Variants in CDH13 observed in about 807,000 individuals in gnomAD.
CDH13 encodes the protein cadherin-13.
A neutral mutation model predicts 63.8 loss-of-function variants in CDH13; 24 were observed. That is an observed-to-expected ratio of 0.38 (90% CI 0.27 to 0.53). The LOEUF (loss-of-function observed/expected upper bound fraction) is 0.53, where lower values mean the gene tolerates loss of function less well. CDH13 is among the 20% of genes least tolerant of loss of function. The pLI is 0.85. For missense variants in CDH13, 1,049 were observed against 903.1 expected, an observed-to-expected ratio of 1.16 and a Z score of -2.07; for synonymous variants, 503 against 355.3, an observed-to-expected ratio of 1.42 and a Z score of -4.67.
At chr16:83,543,075 C>G (rs1435096923) in intron 7 of CDH13, among the ~76,000 whole-genome samples, 1 of 152,252 alleles carries the variant, frequency 6.6e-6, no homozygotes, top group Non-Finnish European at 1.5e-5. Flanking sequence ...TCCTTTCTTT[C>G]AGTACATCCT....
intron 6 of CDH13, among the ~76,000 whole-genome samples, chr16:83,456,536 A>G (rs914944984): frequency 6.6e-6 from 1 of 152,180 alleles, no homozygotes; most frequent in Admixed American, 6.5e-5. Flanking sequence ...AGGCAACTGC[A>G]AGGAAGAGCA....
chr16:83,440,481 A>G lies in CDH13; in HGVS notation c.782-45996A>G, dbSNP rs933464115. ...GGTCTCTGCAAACGTGGCAGGTCAC[A>G]GAAGATGGACAGCAAGGGCCAGGCA... On this transcript the variant is annotated intron_variant, in intron 6 of 13. Coordinates refer to ENST00000567109, the MANE Select transcript of CDH13 (RefSeq NM_001257.5). Among the ~76,000 whole-genome samples the G allele has an allele frequency of 4.6e-5, 7 of 152,240 alleles. No homozygotes were observed. In the East Asian group the frequency reaches 1.4e-3, roughly 29 times the overall value.
intron 6 of CDH13, among the ~76,000 whole-genome samples, chr16:83,408,239 T>A (rs996246305): frequency 6.6e-6 from 1 of 152,220 alleles, no homozygotes; most frequent in African/African-American, 2.4e-5. Flanking sequence ...TTCTGCATGT[T>A]CCATTGACAA....
At chr16:83,450,435 G>C (rs1169563110) in intron 6 of CDH13, among the ~76,000 whole-genome samples, 1 of 152,128 alleles carries the variant, frequency 6.6e-6, no homozygotes, top group African/African-American at 2.4e-5. Context: ...TACCTGATGA[G>C]CTCCTCATGA....
intron 1 of CDH13, among the ~76,000 whole-genome samples, chr16:82,832,728 T>C (rs2038601944): frequency 6.6e-6 from 1 of 152,150 alleles, no homozygotes; most frequent in African/African-American, 2.4e-5. Flanking sequence ...AGCTTTTGCA[T>C]CTGGATCAGT....
chr16:82,826,639 C>A (rs1005535245), intron 1 of CDH13: 1 of 152,108 alleles, frequency 6.6e-6, no homozygotes, highest in East Asian at 1.9e-4. Context: ...GGGGAAAAGG[C>A]GAAGGGCTCC....
At chr16:82,966,912 C>T (rs997171983) in intron 2 of CDH13, among the ~76,000 whole-genome samples, 1 of 152,150 alleles carries the variant, frequency 6.6e-6, no homozygotes, top group Non-Finnish European at 1.5e-5. Context: ...AATCAACACA[C>T]TTAATTTGGA....
At chr16:83,349,253 G>GATCT (rs1292320726) in intron 6 of CDH13, among the ~76,000 whole-genome samples, 2 of 152,200 alleles carry the variant, frequency 1.3e-5, no homozygotes, top group Non-Finnish European at 2.9e-5. Flanking sequence ...GGGGCATACA[G>GATCT]ATCTCTGTGT....
chr16:83,462,947 C>T (rs1015346376), intron 6 of CDH13, among the ~76,000 whole-genome samples: 1 of 152,090 alleles, frequency 6.6e-6, no homozygotes, highest in Admixed American at 6.5e-5. Flanking sequence ...ACCCTCCTCT[C>T]GAGGAAGCTA....
At chr16:83,288,275 C>T (rs1416628086) in intron 5 of CDH13, among the ~76,000 whole-genome samples, 1 of 152,180 alleles carries the variant, frequency 6.6e-6, no homozygotes, top group African/African-American at 2.4e-5. Context: ...CTGTGTGAGC[C>T]ATTGTGTTGC....
At chr16:83,650,932 A>T (rs1175173745) in intron 8 of CDH13, among the ~76,000 whole-genome samples, 1 of 150,652 alleles carries the variant, frequency 6.6e-6, no homozygotes, top group African/African-American at 2.4e-5. Flanking sequence ...TATATAAAAT[A>T]TATTTTAAAA....
chr16:82,815,605 T>G (rs1461180091), intron 1 of CDH13, among the ~76,000 whole-genome samples: 1 of 152,182 alleles, frequency 6.6e-6, no homozygotes, highest in Non-Finnish European at 1.5e-5. Flanking sequence ...AGTGATGACT[T>G]GAAATTCTGT....
chr16:83,041,860 A>G (rs1457360141), intron 3 of CDH13, among the ~76,000 whole-genome samples: 1 of 152,210 alleles, frequency 6.6e-6, no homozygotes, highest in African/African-American at 2.4e-5. Flanking sequence ...TAATAAAACA[A>G]ATGTCATGCT....
intron 2 of CDH13, among the ~76,000 whole-genome samples, chr16:82,874,375 T>G (rs1597867402): frequency 6.6e-6 from 1 of 151,940 alleles, no homozygotes; most frequent in African/African-American, 2.4e-5. Context: ...AGCAGCAGAG[T>G]GTGGTGGCTC....
At chr16:83,232,538 A>G (rs760236081) in intron 5 of CDH13, among the ~76,000 whole-genome samples, 1 of 137,686 alleles carries the variant, frequency 7.3e-6, no homozygotes, top group Non-Finnish European at 1.5e-5. Flanking sequence ...AACGACAACA[A>G]CAACAACAAA....
chr16:83,193,968 A>C (rs1597494596), intron 4 of CDH13, among the ~76,000 whole-genome samples: 1 of 152,200 alleles, frequency 6.6e-6, no homozygotes, highest in South Asian at 2.1e-4. Context: ...CGTTGCCCTC[A>C]TCCCCACAAT....
chr16:83,660,238 C>G (rs916469252), intron 8 of CDH13, among the ~76,000 whole-genome samples: 14 of 152,142 alleles, frequency 9.2e-5, no homozygotes, highest in African/African-American at 3.4e-4. Context: ...TATACAATGA[C>G]ATAATTATAC....
intron 4 of CDH13, among the ~76,000 whole-genome samples, chr16:83,200,370 C>T (rs1180223532): frequency 6.6e-6 from 1 of 152,178 alleles, no homozygotes; most frequent in Non-Finnish European, 1.5e-5. Context: ...TCCTTTTCTG[C>T]TGGTCTTTAG....
At chr16:82,818,544 G>A (rs960991337) in intron 1 of CDH13, among the ~76,000 whole-genome samples, 2 of 152,194 alleles carry the variant, frequency 1.3e-5, no homozygotes, top group African/African-American at 4.8e-5. Context: ...TCTCTTGAAG[G>A]ATGGGTAGGA....
Sources: gnomAD v4.1 joint callset for allele counts (sites outside exome capture counted in the v4.1 genomes callset) on GRCh38, gnomAD v4.1.1 for gene constraint, MANE v1.5 for transcripts, NCBI Gene and HGNC (gene_info 2026-07-23, HGNC 2026-07-21) for gene names.